GLIPR1: variants seen among roughly 807,000 people sequenced by gnomAD.
GLIPR1 encodes the protein GLI pathogenesis related 1.
In GLIPR1, 38 loss-of-function variants were observed where a neutral mutation model predicts 30.3. The observed-to-expected ratio is 1.26, with a 90% CI of 0.97 to 1.65. The LOEUF is 1.65. Among genes scored for constraint, GLIPR1 ranks in the 40% most tolerant of loss-of-function variants. The pLI, the probability that GLIPR1 is intolerant of heterozygous loss-of-function variation, is 0.00. For synonymous variants in GLIPR1, 122 were observed against 110.6 expected (o/e 1.10, Z -0.65); for missense variants, 285 against 326.5 (o/e 0.87, Z 0.98).
chr12:75,488,513 G>C (rs1445700421), intron 2 of GLIPR1, among the ~76,000 whole-genome samples: 3 of 151,968 alleles, frequency 2.0e-5, no homozygotes, highest in African/African-American at 7.3e-5. Flanking sequence ...CTCCAGCCTG[G>C]GCAACAAGAG....
At position 75,495,391 on chromosome 12, in the gene GLIPR1, T is replaced by C. The variant is rs182689941; in HGVS notation, c.534-186T>C. On this transcript the variant is annotated intron_variant, in intron 3 of 5. Coordinates refer to ENST00000266659, the MANE Select transcript of GLIPR1 (RefSeq NM_006851.3). ...AAACAGGTGCATAGACACAGGTACATAGAATGAACTATGCAAATATTAGCA... is the reference window on the plus strand; with the variant it reads ...AAACAGGTGCATAGACACAGGTACACAGAATGAACTATGCAAATATTAGCA... 87 of 542,700 alleles carry C rather than the reference T, an allele frequency of 1.6e-4. No individual in the cohort carries two copies. In the East Asian group the frequency reaches 2.0e-3, roughly 12 times the overall value. The allele number at this position is 542,700 out of a possible 1,614,324, so 33.6% of individuals were successfully genotyped here. A position where few individuals can be genotyped will look rare whatever the true frequency, so the allele number is the denominator to read the frequency against.
chr12:75,489,543 ACG>A (rs2046310206), intron 2 of GLIPR1, among the ~76,000 whole-genome samples: 1 of 152,160 alleles, frequency 6.6e-6, no homozygotes, highest in African/African-American at 2.4e-5. Flanking sequence ...ACCCCTGCCC[ACG>A]CTCCCACCTA....
Position 75,502,052 on chromosome 12 carries a change from C to T in GLIPR1, c.*3074C>T, listed in dbSNP as rs753241921. On this transcript the variant is annotated 3_prime_UTR_variant, in exon 6 of 6. Coordinates refer to ENST00000266659, the MANE Select transcript of GLIPR1 (RefSeq NM_006851.3). ...ATCAGAAATAATGTAGAGGAGAAGT[C>T]ATGTCCTAAGCAAGTCACAATATCC... 31 of 1,440,630 alleles carry T rather than the reference C, an allele frequency of 2.2e-5. No individual in the cohort carries two copies. The Admixed American group carries it at 3.3e-4, about 15-fold the overall frequency. 89.2% of individuals were successfully genotyped at this position (1,440,630 alleles called of 1,614,324 possible).
At chr12:75,488,006 G>A (rs111889577) in intron 2 of GLIPR1, among the ~76,000 whole-genome samples, 91 of 152,154 alleles carry the variant, frequency 6.0e-4, no homozygotes, top group African/African-American at 2.1e-3. Context: ...ACGTTGCCAC[G>A]GCATTTGTAA....
chr12:75,500,193 T>G lies in GLIPR1; in HGVS notation c.*1215T>G, dbSNP rs978752814. On this transcript the variant is annotated 3_prime_UTR_variant, in exon 6 of 6. Coordinates refer to ENST00000266659, the MANE Select transcript of GLIPR1 (RefSeq NM_006851.3). ...CTTTATATATTAGTACAAGTATACA[T>G]AAAAATGGCATAAATGGCATAATTG... The G allele has an allele frequency of 7.5e-6, 2 of 266,128 alleles. No homozygotes were observed. Among genetic ancestry groups the G allele is most frequent in the Admixed American group, 5.4e-5 (1 of 18,658 alleles). 16.5% of individuals were successfully genotyped at this position (266,128 alleles called of 1,614,324 possible).
intron 3 of GLIPR1, chr12:75,491,485 C>T (rs1044650479): frequency 1.3e-5 from 2 of 152,168 alleles, no homozygotes; most frequent in Non-Finnish European, 2.9e-5. Context: ...ATATATGTAT[C>T]TTCAGTCACT....
At chr12:75,495,482 C>T (rs1458318384) in intron 3 of GLIPR1, 95 bp from the exon 4 acceptor site, 5 of 687,414 alleles carry the variant, frequency 7.3e-6, no homozygotes, top group Non-Finnish European at 1.3e-5. Flanking sequence ...GTACTTCACT[C>T]CACTATTCTT....
Position 75,480,835 on chromosome 12 carries a change from G to A in GLIPR1, c.-46G>A, listed in dbSNP as rs763043977. The A allele has an allele frequency of 1.1e-5, 16 of 1,493,754 alleles. No homozygotes were observed. Among genetic ancestry groups the A allele is most frequent in the East Asian group, 6.9e-5 (3 of 43,670 alleles). 92.5% of individuals were successfully genotyped at this position (1,493,754 alleles called of 1,614,324 possible). A position where few individuals can be genotyped will look rare whatever the true frequency, so the allele number is the denominator to read the frequency against. The stretch of plus-strand genomic sequence containing the variant: ...AGGCAATCACACTCTCAGAAACTGC[G>A]GCGGCTCTGGACTGCAGCCTCCCAA... On this transcript the variant is annotated 5_prime_UTR_variant, in exon 1 of 6. Coordinates refer to ENST00000266659, the MANE Select transcript of GLIPR1 (RefSeq NM_006851.3).
intron 2 of GLIPR1, chr12:75,484,847 T>C (rs546561273): frequency 7.9e-4 from 139 of 175,998 alleles, no homozygotes; most frequent in Non-Finnish European, 1.4e-3. Flanking sequence ...GATGTATACG[T>C]GCAGGTCACA....
rs368009301 is a variant in GLIPR1, at chr12:75,499,016, A to G, written c.*38A>G. On this transcript the variant is annotated 3_prime_UTR_variant, in exon 6 of 6. Coordinates refer to ENST00000266659, the MANE Select transcript of GLIPR1 (RefSeq NM_006851.3). ...AAGAAAAAACCCAAAAACCAACCTC[A>G]TTCACATATGGCTTTTTTTTTAACC... The G allele has an allele frequency of 1.7e-5, 24 of 1,424,930 alleles. No homozygotes were observed. The highest frequency in any genetic ancestry group is 2.1e-5 in the Non-Finnish European group (22 of 1,060,612). The allele number at this position is 1,424,930 out of a possible 1,614,324, so 88.3% of individuals were successfully genotyped here. A position where few individuals can be genotyped will look rare whatever the true frequency, so the allele number is the denominator to read the frequency against.
chr12:75,481,722 G>A, intron 1 of GLIPR1, 112 bp from the exon 2 acceptor site: 2 of 884,718 alleles, frequency 2.3e-6, no homozygotes, highest in South Asian at 1.5e-5. Flanking sequence ...GGACTCATAT[G>A]CAGTGGTATC....
rs1420342007 is a variant in GLIPR1, at chr12:75,502,188, A to T, written c.*3210A>T. On this transcript the variant is annotated 3_prime_UTR_variant, in exon 6 of 6. Transcript: ENST00000266659. ...ACATACACAAAAGTGTGGAGGTAGG[A>T]AAGCACCTCCATGGAATACAACCCA... 1.8e-6 allele frequency: 1 copy of T among 551,888 alleles called. No homozygotes were observed. Among genetic ancestry groups the T allele is most frequent in the Non-Finnish European group, 3.2e-6 (1 of 311,058 alleles). 34.2% of individuals were successfully genotyped at this position (551,888 alleles called of 1,614,324 possible). A position where few individuals can be genotyped will look rare whatever the true frequency, so the allele number is the denominator to read the frequency against.
chr12:75,489,503 G>A (rs1348574529), intron 2 of GLIPR1, among the ~76,000 whole-genome samples: 1 of 151,994 alleles, frequency 6.6e-6, no homozygotes, highest in Non-Finnish European at 1.5e-5. Flanking sequence ...TATCTAATAG[G>A]CCTCTCAAAA....
In GLIPR1 at chr12:75,500,150, A is replaced by AAAAC; in HGVS notation, c.*1176_*1179dup. The AAAAC allele has an allele frequency of 2.5e-6, 1 of 404,176 alleles. No homozygotes were observed. The highest frequency in any genetic ancestry group is 4.3e-6 in the Non-Finnish European group (1 of 232,894). 25.0% of individuals were successfully genotyped at this position (404,176 alleles called of 1,614,324 possible). A position where few individuals can be genotyped will look rare whatever the true frequency, so the allele number is the denominator to read the frequency against. ...GTTAGAAATTTCTTCAGATTAAGATAAAACAAATCATAAAATACTTTATAT... is the reference window on the plus strand; with the variant it reads ...GTTAGAAATTTCTTCAGATTAAGATAAAACAAACAAATCATAAAATACTTTATAT... On this transcript the variant is annotated 3_prime_UTR_variant, in exon 6 of 6. Coordinates refer to ENST00000266659, the MANE Select transcript of GLIPR1 (RefSeq NM_006851.3).
intron 2 of GLIPR1, among the ~76,000 whole-genome samples, chr12:75,482,820 T>C (rs2046277566): frequency 6.6e-6 from 1 of 152,030 alleles, no homozygotes; most frequent in Non-Finnish European, 1.5e-5. Flanking sequence ...TCTGTCATAA[T>C]TGTCTTCAGA....
In GLIPR1 at chr12:75,500,710, T is replaced by TTTTTC. The variant is rs2046387738; in HGVS notation, c.*1735_*1739dup. 6.6e-6 allele frequency: 1 copy of TTTTTC among 151,968 alleles called. No individual in the cohort carries two copies. Among genetic ancestry groups the TTTTTC allele is most frequent in the East Asian group, 1.9e-4 (1 of 5,188 alleles). The allele number at this position is 151,968 out of a possible 1,614,324, so 9.4% of individuals were successfully genotyped here. ...AGGAAGCAGTGAAAAAGAATGCAAC[T>TTTTTC]TTTTCTTACCATTCAAAGTACAGGA... On this transcript the variant is annotated 3_prime_UTR_variant, in exon 6 of 6. Coordinates refer to ENST00000266659, the MANE Select transcript of GLIPR1 (RefSeq NM_006851.3).
At chr12:75,483,729 G>A (rs2046281617) in intron 2 of GLIPR1, 1 of 152,212 alleles carries the variant, frequency 6.6e-6, no homozygotes, top group African/African-American at 2.4e-5. Context: ...CTGGAGACAT[G>A]TGAATTGGTA....
rs1213570448 is a variant in GLIPR1 at position 75,481,985 on chromosome 12, C to T, written c.326C>T (p.Ser109Phe). The T allele has an allele frequency of 6.2e-7, 1 of 1,614,000 alleles. No individual in the cohort carries two copies. The highest frequency in any genetic ancestry group is 1.3e-5 in the African/African-American group (1 of 74,916). Residue 109 changes from serine to phenylalanine, a missense_variant, in exon 2 of 6, where the codon TCT (serine) becomes TTT (phenylalanine). Physicochemically the swap from Ser to Phe is radical, Grantham distance 155 (BLOSUM62 -2). Transcript: ENST00000266659. ...TGGACTGGGTCTGTGCCCATTTTTT[C>T]TGTGTCTTCCGCCATCACAAACTGG... Reference protein sequence around the residue: ...NIWTGSVPIFSVSSAITNWYD... With the variant: ...NIWTGSVPIFFVSSAITNWYD...
chr12:75,487,746 AGGAAAGG>A (rs772597496), intron 2 of GLIPR1: 1 of 456,492 alleles, frequency 2.2e-6, no homozygotes, highest in South Asian at 1.5e-5. Context: ...CAGGTGTCAC[AGGAAAGG>A]GGTCGGGATC....
Sources: allele counts gnomAD v4.1 joint callset (sites outside exome capture counted in the v4.1 genomes callset), GRCh38; gene constraint gnomAD v4.1.1; transcripts MANE v1.5; gene names NCBI Gene and HGNC (gene_info 2026-07-23, HGNC 2026-07-21).